PRRG4: variants seen among roughly 807,000 people sequenced by gnomAD.
PRRG4 encodes the protein transmembrane gamma-carboxyglutamic acid protein 4.
A neutral mutation model predicts 20.0 loss-of-function variants in PRRG4; 12 were observed. The ratio of observed to expected loss-of-function variants is 0.60; its 90% confidence interval spans 0.38 to 0.97. The LOEUF (loss-of-function observed/expected upper bound fraction) is 0.97, where lower values mean the gene tolerates loss of function less well. Among genes scored for constraint, PRRG4 ranks in the 50% least tolerant of loss-of-function variants. The probability of loss-of-function intolerance (pLI) is 0.00; values close to 1 mark genes in which losing one functional copy is unlikely to be tolerated. For missense variants in PRRG4, 199 were observed against 265.1 expected (o/e 0.75, Z 1.73); for synonymous variants, 94 against 96.4 (o/e 0.98, Z 0.15).
intron 2 of PRRG4, among the ~76,000 whole-genome samples, chr11:32,835,167 A>G (rs1318017418): frequency 3.9e-5 from 6 of 152,202 alleles, no homozygotes; most frequent in African/African-American, 1.4e-4. Flanking sequence ...ATTAGACAAA[A>G]TAGTTTTAGA....
At chr11:32,830,849 C>T (rs531257710) in intron 2 of PRRG4, among the ~76,000 whole-genome samples, 2 of 152,100 alleles carry the variant, frequency 1.3e-5, no homozygotes, top group African/African-American at 4.8e-5. Flanking sequence ...TAAGTATATA[C>T]GTAAGACCTA....
At chr11:32,839,815 TA>T (rs1851060487) in intron 4 of PRRG4, among the ~76,000 whole-genome samples, 1 of 146,730 alleles carries the variant, frequency 6.8e-6, no homozygotes, top group Non-Finnish European at 1.5e-5. Context: ...TAGTATATTT[TA>T]AATATTATTA....
chr11:32,843,215 AAG>A (rs1851095849), intron 5 of PRRG4, among the ~76,000 whole-genome samples: 1 of 152,170 alleles, frequency 6.6e-6, no homozygotes, highest in Non-Finnish European at 1.5e-5. Flanking sequence ...CCATTGTGAT[AAG>A]AGCATCTGAA....
At chr11:32,831,134 C>G (rs1315046652) in intron 2 of PRRG4, among the ~76,000 whole-genome samples, 1 of 152,050 alleles carries the variant, frequency 6.6e-6, no homozygotes, top group Non-Finnish European at 1.5e-5. Flanking sequence ...GTCTAGTTGT[C>G]TAGATAAAAG....
intron 5 of PRRG4, among the ~76,000 whole-genome samples, chr11:32,844,912 G>A (rs890962200): frequency 6.6e-6 from 1 of 152,118 alleles, no homozygotes; most frequent in Non-Finnish European, 1.5e-5. Context: ...TGTCTAGACT[G>A]TAAATGAACT....
At chr11:32,849,876 T>C (rs1383634552) in intron 5 of PRRG4, among the ~76,000 whole-genome samples, 1 of 152,194 alleles carries the variant, frequency 6.6e-6, no homozygotes, top group Non-Finnish European at 1.5e-5. Flanking sequence ...ACTAAGGAGT[T>C]TGTCCCTATA....
chr11:32,849,505 A>G, intron 5 of PRRG4, among the ~76,000 whole-genome samples: 1 of 151,966 alleles, frequency 6.6e-6, no homozygotes, highest in African/African-American at 2.4e-5. Flanking sequence ...TCTACTAAAA[A>G]TACAAAAAAT....
chr11:32,830,471 G>A, intron 1 of PRRG4, 37 bp from the exon 2 acceptor site: 1 of 1,334,902 alleles, frequency 7.5e-7, no homozygotes, highest in Admixed American at 2.6e-5. Context: ...TGAGCTAGGG[G>A]CCTTTTTTTT....
chr11:32,839,446 G>A (rs1001000602), intron 4 of PRRG4, among the ~76,000 whole-genome samples: 4 of 151,782 alleles, frequency 2.6e-5, no homozygotes, highest in Non-Finnish European at 4.4e-5. Flanking sequence ...CTCCATGGCA[G>A]GTTATGTTGC....
At chr11:32,850,523 T>C (rs1381957118) in intron 5 of PRRG4, among the ~76,000 whole-genome samples, 1 of 152,240 alleles carries the variant, frequency 6.6e-6, no homozygotes, top group Non-Finnish European at 1.5e-5. Flanking sequence ...TCTCACTTTG[T>C]TCCCCTCAGC....
At chr11:32,831,026 G>T (rs1455966124) in intron 2 of PRRG4, among the ~76,000 whole-genome samples, 2 of 152,182 alleles carry the variant, frequency 1.3e-5, no homozygotes, top group Non-Finnish European at 1.5e-5. Flanking sequence ...GACCCTGGGC[G>T]AGATAACTTA....
intron 4 of PRRG4, 147 bp from the exon 5 acceptor site, chr11:32,839,960 A>G: frequency 2.4e-6 from 1 of 415,438 alleles, no homozygotes; most frequent in Non-Finnish European, 4.1e-6. Context: ...TTTTTCAGGT[A>G]GATTCTCTAG....
intron 5 of PRRG4, among the ~76,000 whole-genome samples, chr11:32,846,453 G>A (rs1851131236): frequency 6.6e-6 from 1 of 152,214 alleles, no homozygotes; most frequent in South Asian, 2.1e-4. Context: ...AGGAAAAATA[G>A]CCTTTGGGGA....
chr11:32,844,467 C>CTATTATTAT (rs148170116), intron 5 of PRRG4, among the ~76,000 whole-genome samples: 3 of 143,174 alleles, frequency 2.1e-5, no homozygotes, highest in Non-Finnish European at 3.0e-5. Context: ...TAAATGTTAG[C>CTATTATTAT]TATTATTATT....
chr11:32,856,154 A>G lies in PRRG4; in HGVS notation c.*2627A>G, dbSNP rs1851226316. The G allele has an allele frequency of 6.6e-6, 1 of 152,206 alleles. No individual in the cohort carries two copies. The allele number at this position is 152,206 out of a possible 1,614,324, so 9.4% of individuals were successfully genotyped here. ...GAATAGAATTATAAGATATGTATGTATCTTGCACTGAATCATAATTTGAAA... is the reference window on the plus strand; with the variant it reads ...GAATAGAATTATAAGATATGTATGTGTCTTGCACTGAATCATAATTTGAAA... On this transcript the variant is annotated 3_prime_UTR_variant, in exon 6 of 6. Transcript: ENST00000257836.
intron 5 of PRRG4, among the ~76,000 whole-genome samples, chr11:32,847,522 T>C (rs1344796477): frequency 6.6e-6 from 1 of 152,162 alleles, no homozygotes; most frequent in Admixed American, 6.6e-5. Context: ...TATGGAGAAA[T>C]TGGAACCTCA....
intron 5 of PRRG4, among the ~76,000 whole-genome samples, chr11:32,845,123 A>G (rs539742563): frequency 1.5e-4 from 23 of 152,212 alleles, no homozygotes; most frequent in African/African-American, 5.5e-4. Context: ...AATAAAAAAA[A>G]TCTCCCTTAG....
At chr11:32,849,430 C>T (rs1397445344) in intron 5 of PRRG4, among the ~76,000 whole-genome samples, 3 of 151,816 alleles carry the variant, frequency 2.0e-5, no homozygotes, top group African/African-American at 7.3e-5. Flanking sequence ...TTTGGGAGGC[C>T]GAGACGGGCA....
At chr11:32,845,796 T>C (rs1851124637) in intron 5 of PRRG4, among the ~76,000 whole-genome samples, 1 of 152,046 alleles carries the variant, frequency 6.6e-6, no homozygotes, top group African/African-American at 2.4e-5. Flanking sequence ...CAAAGACAGG[T>C]ACTACCAAGG....
Sources: gnomAD v4.1 joint callset for allele counts (sites outside exome capture counted in the v4.1 genomes callset) on GRCh38, gnomAD v4.1.1 for gene constraint, MANE v1.5 for transcripts, NCBI Gene and HGNC (gene_info 2026-07-23, HGNC 2026-07-21) for gene names.